The following COL6A3 variants were observed in gnomAD, a reference collection of about 807,000 sequenced individuals.
COL6A3 encodes the protein collagen type VI alpha 3 chain.
Under a neutral mutation model 274.1 loss-of-function variants are expected in COL6A3, and 137 were observed. The observed-to-expected ratio is 0.50, with a 90% confidence interval of 0.44 to 0.58. The LOEUF is 0.58. COL6A3 is among the 20% of genes least tolerant of loss of function. COL6A3 has a pLI of 0.00. For synonymous variants in COL6A3, 1,650 were observed against 1,650.6 expected (o/e 1.00, Z 0.01); for missense variants, 3,950 against 4,124.9 (o/e 0.96, Z 1.16).
rs112290343 is a variant in COL6A3 at position 237,325,642 on chromosome 2, A to G, written c.9411T>C (p.Cys3137=). ...CACAACCTCCATACCAGAATCTTGC[A>G]CAGCTTTTGGTGTTTGGATCATAGT... is the stretch of plus-strand genomic sequence containing the variant. ...KWYYDPNTKS[C]ARFWYGGCGG... Residue 3137 remains cysteine (C), a synonymous_variant, in exon 43 of 44, where the codon TGT becomes TGC. Coordinates refer to ENST00000295550, the MANE Select transcript of COL6A3 (RefSeq NM_004369.4). 27,138 of 1,614,142 alleles carry G rather than the reference A, an allele frequency of 0.017. 291 individuals are homozygous for G. Among genetic ancestry groups the G allele is most frequent in the Admixed American group, 0.021 (1,287 of 60,032 alleles).
At position 237,363,272 on chromosome 2, in the gene COL6A3, T is replaced by C. The variant is rs768330671; in HGVS notation, c.6044A>G (p.Tyr2015Cys). 7 of 1,613,888 alleles carry C rather than the reference T, an allele frequency of 4.3e-6. No individual in the cohort carries two copies. The highest frequency in any genetic ancestry group is 1.3e-5 in the African/African-American group (1 of 74,852). The change falls in exon 14 of 44, where the codon TAT becomes TGT. Residue 2015 changes from tyrosine to cysteine, a missense_variant. Physicochemically the swap from Tyr to Cys is radical, Grantham distance 194 (BLOSUM62 -2). Transcript: ENST00000295550. Reference protein sequence around the residue: ...PLRLNLLDLDYELAEQLDNIA... With the variant: ...PLRLNLLDLDCELAEQLDNIA... ...ACTCACAAGCTGCTCCGCTAGTTCA[T>C]AATCCAAGTCCAGCAAGTTAAGCCT...
rs561804945 is a variant in COL6A3 at position 237,378,790 on chromosome 2, C to T, written c.2343G>A (p.Ala781=). 49 of 1,614,186 alleles carry T rather than the reference C, an allele frequency of 3.0e-5. No homozygotes were observed. The highest frequency in any genetic ancestry group is 5.3e-5 in the African/African-American group (4 of 75,062). The change falls in exon 6 of 44, where the codon GCG becomes GCA. Residue 781 remains alanine (A), a synonymous_variant. Transcript: ENST00000295550. ...CAATCTGCTCAAGCTCTGCCTTATT[C>T]GCCTGGCTAGCTCCCACACAAAAAG... The part of the protein sequence containing the change: ...ILTFCVGASQ[A]NKAELEQIAF...
chr2:237,354,969 G>A (rs749172468), intron 23 of COL6A3, 35 bp from the exon 24 acceptor site: 1 of 1,608,386 alleles, frequency 6.2e-7, no homozygotes. Flanking sequence ...CTGTGAGGGG[G>A]AGCATGGGAC....
chr2:237,369,242 T>G (rs895581410), intron 9 of COL6A3, 65 bp from the exon 10 acceptor site: 52 of 1,579,500 alleles, frequency 3.3e-5, no homozygotes, highest in Non-Finnish European at 4.3e-5. Context: ...AGGTTTGGTG[T>G]GCACCTTGCA....
chr2:237,336,476 T>C lies in COL6A3; in HGVS notation c.8624A>G (p.Lys2875Arg). The part of the protein sequence containing the change: ...SPTSNPVTTT[K>R]PVTTTKPVTT... ...CACCGGCTTCGTCGTAGTCACCGGC[T>C]TCGTTGTCGTCACTGGGTTGGATGT... The change falls in exon 40 of 44, where the codon AAG becomes AGG. Residue 2875 changes from lysine to arginine, a missense_variant. Physicochemically the swap from Lys to Arg is conservative, Grantham distance 26 (BLOSUM62 2). Transcript: ENST00000295550. 5.0e-6 allele frequency: 8 copies of C among 1,614,228 alleles called. No homozygotes were observed. The highest frequency in any genetic ancestry group is 6.8e-6 in the Non-Finnish European group (8 of 1,180,038).
At chr2:237,326,978 C>T (rs561691882) in intron 42 of COL6A3, 2 of 152,420 alleles carry the variant, frequency 1.3e-5, no homozygotes, top group East Asian at 3.9e-4. Context: ...AGTTACAACA[C>T]CTCCTAGTTG....
chr2:237,387,968 A>G lies in COL6A3; in HGVS notation c.926T>C (p.Val309Ala), dbSNP rs756327714. Reference protein sequence around the residue: ...YSTKAQVLGAVKALGFAGGEL... With the variant: ...YSTKAQVLGAAKALGFAGGEL... ...CCCACCAGCAAACCCGAGGGCTTTC[A>G]CTGCACCCAGAACCTGGGCCTTGGT... is the stretch of plus-strand genomic sequence containing the variant. Residue 309 changes from valine to alanine, a missense_variant, in exon 4 of 44, where the codon GTG becomes GCG. This residue lies in a region of COL6A3 where 1,934 missense variants were observed against 1,984.3 expected (regional missense o/e 0.97). Transcript: ENST00000295550. 5 of 1,614,248 alleles carry G rather than the reference A, an allele frequency of 3.1e-6. No homozygotes were observed. The highest frequency in any genetic ancestry group is 2.2e-5 in the East Asian group (1 of 44,888).
At chr2:237,358,159 A>G (rs1228184864) in intron 21 of COL6A3, among the ~76,000 whole-genome samples, 1 of 152,246 alleles carries the variant, frequency 6.6e-6, no homozygotes, top group African/African-American at 2.4e-5. Flanking sequence ...CCACAGAGGC[A>G]GGATGGACTG....
intron 42 of COL6A3, chr2:237,328,530 T>C (rs1037870564): frequency 1.3e-5 from 2 of 152,240 alleles, no homozygotes; most frequent in South Asian, 2.1e-4. Context: ...CGGGTCACTA[T>C]TGGTTTTCAT....
rs753150936 is a variant in COL6A3, at chr2:237,365,815, C to CA, written c.5720_5721insT (p.Gln1907HisfsTer47). The CA allele has an allele frequency of 6.2e-7, 1 of 1,614,096 alleles. No homozygotes were observed. The highest frequency in any genetic ancestry group is 1.3e-5 in the African/African-American group (1 of 74,944). ...TCCGGAACTTCTCGAGCATCTCTGG[C>CA]TGGTACTCGTCAAAGTCAAAGGCCT... On this transcript the variant is annotated frameshift_variant, in exon 12 of 44. Coordinates refer to ENST00000295550, the MANE Select transcript of COL6A3 (RefSeq NM_004369.4). LOFTEE classifies it high-confidence loss of function.
At position 237,396,820 on chromosome 2, in the gene COL6A3, T is replaced by G. The variant is rs2078453526; in HGVS notation, c.-3A>C. On this transcript the variant is annotated 5_prime_UTR_variant, in exon 2 of 44. Transcript: ENST00000295550. ...GGCAAGTGCCGATGTTTCCTCATTT[T>G]GAATTTGTCTAAGCACCAAATATGA... is the stretch of plus-strand genomic sequence containing the variant. 6.2e-7 allele frequency: 1 copy of G among 1,613,924 alleles called. No homozygotes were observed. The highest frequency in any genetic ancestry group is 1.3e-5 in the African/African-American group (1 of 74,942).
At chr2:237,358,949 A>T (rs1484324426) in intron 20 of COL6A3, 86 bp downstream of exon 20, 4 of 1,477,790 alleles carry the variant, frequency 2.7e-6, no homozygotes, top group South Asian at 1.1e-5. Context: ...AGCGGGCTTG[A>T]TGTATATGAG....
intron 1 of COL6A3, among the ~76,000 whole-genome samples, chr2:237,404,131 T>A (rs1217991385): frequency 6.6e-6 from 1 of 152,154 alleles, no homozygotes; most frequent in Non-Finnish European, 1.5e-5. Context: ...AGCTTCCTGC[T>A]AGATTCTTTC....
In COL6A3 at chr2:237,360,128, G is replaced by C. The variant is rs1364892747; in HGVS notation, c.6242C>G (p.Thr2081Ser). 1 of 1,614,034 alleles carries C rather than the reference G, an allele frequency of 6.2e-7. No homozygotes were observed. Among genetic ancestry groups the C allele is most frequent in the Non-Finnish European group, 8.5e-7 (1 of 1,180,026 alleles). The change falls in exon 17 of 44, where the codon ACT becomes AGT. Residue 2081 changes from threonine to serine, a missense_variant. Physicochemically the swap from Thr to Ser is moderately conservative, Grantham distance 58. This residue lies in a region of COL6A3 where 92 missense variants were observed against 143.4 expected (regional missense o/e 0.64). Coordinates refer to ENST00000295550, the MANE Select transcript of COL6A3 (RefSeq NM_004369.4). The stretch of plus-strand genomic sequence containing the variant: ...GCCCGGGCAGCCCTGGAAACCTTGA[G>C]TGCCGTTCACACCAGGCGGACCACG... Reference protein sequence around the residue: ...GERGPPGVNGTQGFQGCPGQR... With the variant: ...GERGPPGVNGSQGFQGCPGQR...
In COL6A3 at chr2:237,340,555, G is replaced by A; in HGVS notation, c.8361C>T (p.Ala2787=). 6.2e-7 allele frequency: 1 copy of A among 1,614,170 alleles called. No individual in the cohort carries two copies. Residue 2787 remains alanine (A), a synonymous_variant, in exon 38 of 44, where the codon GCC becomes GCT. Coordinates refer to ENST00000295550, the MANE Select transcript of COL6A3 (RefSeq NM_004369.4). ...TGAAGAAGACGTCGTTTGGCTCACT[G>A]GCGAAGGTGTATACCTCCTTGATGT... ...KVNIKEVYTF[A]SEPNDVFFKL...
intron 4 of COL6A3, 91 bp from the exon 5 acceptor site, chr2:237,381,590 C>T (rs2078008042): frequency 1.8e-6 from 2 of 1,101,112 alleles, no homozygotes; most frequent in African/African-American, 1.5e-5. Flanking sequence ...ATTTAAAGGA[C>T]ACCCTCATTT....
rs1196953239 is a variant in COL6A3 at position 237,361,312 on chromosome 2, C to T, written c.6157-138G>A. Reference sequence around the variant, plus strand: ...CTTTCCCTGTTACTGCTTTTCCCCTCAGTACACCATGTCACGATTCTCTCT... The same window carrying T: ...CTTTCCCTGTTACTGCTTTTCCCCTTAGTACACCATGTCACGATTCTCTCT... On this transcript the variant is annotated intron_variant, in intron 15 of 43. Transcript: ENST00000295550. The surrounding 1 kb of genome is among the most constrained non-coding windows in gnomAD (Gnocchi z 5.1). 3.0e-5 allele frequency: 23 copies of T among 766,468 alleles called. No homozygotes were observed. The highest frequency in any genetic ancestry group is 5.2e-5 in the African/African-American group (3 of 57,964). The allele number at this position is 766,468 out of a possible 1,614,324, so 47.5% of individuals were successfully genotyped here. A position where few individuals can be genotyped will look rare whatever the true frequency, so the allele number is the denominator to read the frequency against.
Position 237,339,775 on chromosome 2 carries a change from C to T in COL6A3, c.8465-658G>A, listed in dbSNP as rs371796815. 2.6e-5 allele frequency among the ~76,000 whole-genome samples: 4 copies of T among 152,296 alleles called. 1 individual carries two copies. Among genetic ancestry groups the T allele is most frequent in the South Asian group, 4.1e-4 (2 of 4,822 alleles). On this transcript the variant is annotated intron_variant, in intron 38 of 43. Coordinates refer to ENST00000295550, the MANE Select transcript of COL6A3 (RefSeq NM_004369.4). ...CTCTGGAAACTATAATAGGCTGCACCTCCTCAAAGAGCAGTCTAGGGGACC... is the reference window on the plus strand; with the variant it reads ...CTCTGGAAACTATAATAGGCTGCACTTCCTCAAAGAGCAGTCTAGGGGACC...
intron 8 of COL6A3, among the ~76,000 whole-genome samples, chr2:237,373,705 C>A (rs1332273941): frequency 7.1e-6 from 1 of 140,772 alleles, no homozygotes; most frequent in Non-Finnish European, 1.5e-5. Context: ...CACTGTGAAC[C>A]CCCCCCACCC....
Sources: gnomAD v4.1 joint callset for allele counts (sites outside exome capture counted in the v4.1 genomes callset) on GRCh38, gnomAD v4.1.1 for gene constraint, gnomAD v4.1.1 regional missense constraint, Gnocchi (gnomAD v3.1) non-coding constraint, MANE v1.5 for transcripts, NCBI Gene and HGNC (gene_info 2026-07-23, HGNC 2026-07-21) for gene names.